RARB: variants seen among roughly 807,000 people sequenced by gnomAD.
RARB encodes the protein HBV-activated protein.
In RARB, 17 loss-of-function variants were observed where a neutral mutation model predicts 51.9. The ratio of observed to expected loss-of-function variants is 0.33; its 90% CI spans 0.22 to 0.49. The LOEUF (loss-of-function observed/expected upper bound fraction) is 0.49. RARB is among the 20% of genes least tolerant of loss of function. The pLI is 0.99. For missense variants in RARB, 369 were observed against 550.8 expected (o/e 0.67, Z 3.30); for synonymous variants, 215 against 195.4 (o/e 1.10, Z -0.84).
intron 1 of RARB, 32 bp downstream of exon 1, chr3:25,428,920 G>GAA (rs538896356): frequency 4.8e-6 from 7 of 1,473,232 alleles, no homozygotes; most frequent in South Asian, 2.6e-5. Flanking sequence ...CTTCTACCAA[G>GAA]AAAAAAAAAA....
intron 5 of RARB, among the ~76,000 whole-genome samples, chr3:25,250,310 T>C (rs1428871454): frequency 2.6e-5 from 4 of 152,180 alleles, no homozygotes; most frequent in Non-Finnish European, 2.9e-5. Context: ...CTCCATGTGA[T>C]GTGTGCAGGC....
chr3:25,051,582 A>G (rs551666762), intron 2 of RARB, among the ~76,000 whole-genome samples: 68 of 113,720 alleles, frequency 6.0e-4, no homozygotes, highest in Non-Finnish European at 1.2e-3. Flanking sequence ...TACATGTATA[A>G]AAATAAGACT....
intron 2 of RARB, among the ~76,000 whole-genome samples, chr3:24,877,087 C>A (rs1056042852): frequency 6.6e-6 from 1 of 151,822 alleles, no homozygotes; most frequent in Non-Finnish European, 1.5e-5. Flanking sequence ...TAGCAGTGCC[C>A]CAAGTTGGAA....
At chr3:24,951,065 C>T (rs559137686) in intron 2 of RARB, among the ~76,000 whole-genome samples, 3 of 152,106 alleles carry the variant, frequency 2.0e-5, no homozygotes, top group African/African-American at 7.2e-5. Context: ...GGGAGTACTT[C>T]CCTCTGGAGA....
intron 2 of RARB, among the ~76,000 whole-genome samples, chr3:25,492,528 T>C (rs1236280039): frequency 9.2e-5 from 14 of 152,216 alleles, no homozygotes; most frequent in Non-Finnish European, 1.3e-4. Context: ...CACCTTTTTG[T>C]TGGTATTCTC....
At chr3:25,526,315 GC>G (rs1204381185) in intron 3 of RARB, among the ~76,000 whole-genome samples, 1 of 152,176 alleles carries the variant, frequency 6.6e-6, no homozygotes, top group Non-Finnish European at 1.5e-5. Context: ...TGTTCTTGTA[GC>G]CCACCTGAAG....
chr3:25,377,342 T>G (rs879834048), intron 5 of RARB, among the ~76,000 whole-genome samples: 7 of 152,166 alleles, frequency 4.6e-5, no homozygotes, highest in Middle Eastern at 3.4e-3. Context: ...CTTTTGTCCT[T>G]TACAAGGCAG....
At chr3:25,070,937 T>C (rs1698754871) in intron 3 of RARB, among the ~76,000 whole-genome samples, 1 of 152,188 alleles carries the variant, frequency 6.6e-6, no homozygotes, top group South Asian at 2.1e-4. Context: ...CTTTAAAGCG[T>C]AGCCAGAGTG....
At chr3:24,846,690 CT>C (rs1702489785) in intron 1 of RARB, among the ~76,000 whole-genome samples, 1 of 152,118 alleles carries the variant, frequency 6.6e-6, no homozygotes, top group African/African-American at 2.4e-5. Context: ...GTGGCTTCCC[CT>C]GAGTGGCTGC....
chr3:25,588,690 C>T (rs1320217572), intron 5 of RARB, among the ~76,000 whole-genome samples: 6 of 152,112 alleles, frequency 3.9e-5, no homozygotes, highest in Non-Finnish European at 7.4e-5. Context: ...TAAAGAATTC[C>T]AGAGGCTGGA....
intron 3 of RARB, among the ~76,000 whole-genome samples, chr3:25,123,906 A>G (rs1699823241): frequency 6.6e-6 from 1 of 152,204 alleles, no homozygotes; most frequent in Admixed American, 6.5e-5. Context: ...GTCAATAGCA[A>G]GCATCTGCTC....
chr3:24,871,205 T>G (rs759606986), intron 2 of RARB, among the ~76,000 whole-genome samples: 9 of 152,174 alleles, frequency 5.9e-5, no homozygotes, highest in Non-Finnish European at 8.8e-5. Flanking sequence ...CAGTAACACC[T>G]TATTAGGTTA....
At chr3:25,303,785 A>G (rs546359819) in intron 5 of RARB, among the ~76,000 whole-genome samples, 1 of 152,316 alleles carries the variant, frequency 6.6e-6, no homozygotes, top group East Asian at 1.9e-4. Flanking sequence ...GTAGAGCCAC[A>G]GCCAGCCGGG....
At chr3:24,943,505 G>T (rs1054822557) in intron 2 of RARB, among the ~76,000 whole-genome samples, 4 of 152,074 alleles carry the variant, frequency 2.6e-5, no homozygotes, top group African/African-American at 9.7e-5. Flanking sequence ...AATGAGACTT[G>T]GTAGAAATGT....
In RARB at chr3:25,596,576, T is replaced by G. The variant is rs1701842851; in HGVS notation, c.1307T>G (p.Val436Gly). The change falls in exon 8 of 8, where the codon GTG (valine) becomes GGG (glycine). Residue 436 changes from valine (V) to glycine (G), a missense_variant. Transcript: ENST00000330688. ...AGTCCTAGCATCTCACCCAGCTCAG[T>G]GGAAAACAGTGGGGTCAGTCAGTCA... is the stretch of plus-strand genomic sequence containing the variant. ...EHSPSISPSS[V>G]ENSGVSQSPL... The G allele has an allele frequency of 6.2e-7, 1 of 1,612,054 alleles. No individual in the cohort carries two copies. The highest frequency in any genetic ancestry group is 8.5e-7 in the Non-Finnish European group (1 of 1,178,546).
intron 2 of RARB, among the ~76,000 whole-genome samples, chr3:25,470,657 A>G (rs1695640326): frequency 6.6e-6 from 1 of 152,220 alleles, no homozygotes; most frequent in African/African-American, 2.4e-5. Context: ...CCCTATATAA[A>G]CAACTAGGGA....
intron 2 of RARB, among the ~76,000 whole-genome samples, chr3:25,053,186 C>G (rs927472141): frequency 2.4e-4 from 36 of 152,142 alleles, no homozygotes; most frequent in Non-Finnish European, 8.8e-5. Context: ...CACCCCTGGA[C>G]TACAAGGGAG....
chr3:25,189,326 C>T (rs1701045314), intron 5 of RARB, among the ~76,000 whole-genome samples: 1 of 152,070 alleles, frequency 6.6e-6, no homozygotes, highest in South Asian at 2.1e-4. Context: ...TCTTCATAGC[C>T]TTCGGGCAAT....
chr3:25,073,915 T>A, intron 3 of RARB, among the ~76,000 whole-genome samples: 1 of 152,188 alleles, frequency 6.6e-6, no homozygotes, highest in East Asian at 1.9e-4. Context: ...TGAAAGTATG[T>A]CAAAGTATGA....
Sources: gnomAD v4.1 joint callset for allele counts (sites outside exome capture counted in the v4.1 genomes callset) on GRCh38, gnomAD v4.1.1 for gene constraint, MANE v1.5 for transcripts, NCBI Gene and HGNC (gene_info 2026-07-23, HGNC 2026-07-21) for gene names.